Variants in SEPTIN10 observed in about 807,000 individuals in gnomAD.
The protein encoded by SEPTIN10 is septin 10, also known as septin-10.
In SEPTIN10, 66 loss-of-function variants were observed where a neutral mutation model predicts 54.8. That is an observed-to-expected ratio of 1.21 (90% confidence interval 0.99 to 1.48). The LOEUF is 1.48. Among genes scored for constraint, SEPTIN10 ranks in the 40% most tolerant of loss-of-function variants. SEPTIN10 has a pLI of 0.00. For synonymous variants in SEPTIN10, 161 were observed against 181.0 expected, an observed-to-expected ratio of 0.89 and a Z score of 0.89; for missense variants, 620 against 545.6, an observed-to-expected ratio of 1.14 and a Z score of -1.36.
In SEPTIN10 at chr2:109,574,594, T is replaced by G. The variant is rs1689192980; in HGVS notation, c.587A>C (p.Asn196Thr). The G allele has an allele frequency of 6.4e-7, 1 of 1,556,692 alleles. No homozygotes were observed. The highest frequency in any genetic ancestry group is 1.4e-5 in the African/African-American group (1 of 72,892). Reference protein sequence around the residue: ...LKTLDLLTMKNLDSKVNIIPV... With the variant: ...LKTLDLLTMKTLDSKVNIIPV... ...TCCTCAACCCACCTTGCTGTCAAGG[T>G]TCTTCATGGTTAAGAGATCAAGTGT... Residue 196 changes from asparagine (N) to threonine (T), a missense_variant, in exon 5 of 11, where the codon AAC becomes ACC. Physicochemically the swap from Asn to Thr is moderately conservative, Grantham distance 65. Coordinates refer to ENST00000397712, the MANE Select transcript of SEPTIN10 (RefSeq NM_144710.5).
intron 1 of SEPTIN10, among the ~76,000 whole-genome samples, chr2:109,612,429 T>C (rs184561691): frequency 1.2e-4 from 19 of 152,338 alleles, no homozygotes; most frequent in African/African-American, 4.3e-4. Flanking sequence ...TATCGTACTA[T>C]GGGTTTGCCA....
intron 4 of SEPTIN10, among the ~76,000 whole-genome samples, chr2:109,578,542 GA>G (rs35369428): frequency 0.89 from 135,280 of 152,166 alleles, 60,206 homozygotes; most frequent in Middle Eastern, 0.97. Context: ...GAGGAGGGTG[GA>G]ATCACCTGAG....
intron 1 of SEPTIN10, among the ~76,000 whole-genome samples, chr2:109,600,247 G>A (rs371622514): frequency 7.2e-5 from 11 of 152,020 alleles, no homozygotes; most frequent in African/African-American, 2.7e-4. Flanking sequence ...AGGGCCTGAA[G>A]GCTTTCTCCC....
intron 7 of SEPTIN10, among the ~76,000 whole-genome samples, chr2:109,565,003 C>T (rs924006321): frequency 2.6e-5 from 4 of 152,116 alleles, no homozygotes; most frequent in African/African-American, 4.8e-5. Flanking sequence ...TTATAGAACA[C>T]ATTTATGATC....
intron 1 of SEPTIN10, among the ~76,000 whole-genome samples, chr2:109,606,105 T>C (rs796071595): frequency 2.0e-5 from 3 of 152,302 alleles, no homozygotes; most frequent in African/African-American, 4.8e-5. Flanking sequence ...ACTCAGCTCA[T>C]GGGCTGGGAG....
chr2:109,565,831 C>A lies in SEPTIN10; in HGVS notation c.791G>T (p.Ser264Ile). The change falls in exon 7 of 11, where the codon AGT (serine) becomes ATT (isoleucine). Residue 264 changes from serine to isoleucine, a missense_variant. Physicochemically the swap from Ser to Ile is moderately radical, Grantham distance 142. Transcript: ENST00000397712. ...NGQLPFAVVGSMDEVKVGNKM... is the reference protein window; with the variant it reads ...NGQLPFAVVGIMDEVKVGNKM... ...GTTTCCGACTTTTACCTCATCCATACTTCCCACAACAGCAAACGGCAACTG... is the reference window on the plus strand; with the variant it reads ...GTTTCCGACTTTTACCTCATCCATAATTCCCACAACAGCAAACGGCAACTG... The A allele has an allele frequency of 6.2e-7, 1 of 1,613,932 alleles. No homozygotes were observed. Among genetic ancestry groups the A allele is most frequent in the South Asian group, 1.1e-5 (1 of 91,084 alleles).
intron 7 of SEPTIN10, among the ~76,000 whole-genome samples, chr2:109,565,046 C>T (rs914354710): frequency 6.6e-6 from 1 of 152,156 alleles, no homozygotes; most frequent in African/African-American, 2.4e-5. Context: ...TTAGTGAACA[C>T]ACTTACATGA....
intron 5 of SEPTIN10, among the ~76,000 whole-genome samples, chr2:109,568,251 G>A (rs1687547032): frequency 6.6e-6 from 1 of 151,928 alleles, no homozygotes; most frequent in South Asian, 2.1e-4. Flanking sequence ...GGCCTGTGAC[G>A]CCCAGTGTAT....
chr2:109,564,695 GAAGA>G (rs1686547580), intron 7 of SEPTIN10, among the ~76,000 whole-genome samples, 161 bp from the exon 8 acceptor site: 1 of 152,166 alleles, frequency 6.6e-6, no homozygotes. Context: ...TGTAACCAAG[GAAGA>G]AACTCTTGCA....
At chr2:109,603,728 T>C (rs1329169636) in intron 1 of SEPTIN10, among the ~76,000 whole-genome samples, 2 of 152,094 alleles carry the variant, frequency 1.3e-5, no homozygotes, top group Non-Finnish European at 2.9e-5. Context: ...GAGAAAGCAC[T>C]GGCAAGAAAA....
intron 1 of SEPTIN10, among the ~76,000 whole-genome samples, chr2:109,611,931 C>A (rs58602175): frequency 6.6e-6 from 1 of 152,098 alleles, no homozygotes; most frequent in Non-Finnish European, 1.5e-5. Flanking sequence ...CAGTTTCTTA[C>A]AAAACTAAGC....
intron 10 of SEPTIN10, 68 bp from the exon 11 acceptor site, chr2:109,544,392 G>C: frequency 1.3e-6 from 2 of 1,536,824 alleles, no homozygotes; most frequent in Admixed American, 4.4e-5. Flanking sequence ...TAGCAAACAT[G>C]CATCTAGTAT....
At chr2:109,588,675 G>C (rs143485760) in intron 2 of SEPTIN10, among the ~76,000 whole-genome samples, 315 of 149,916 alleles carry the variant, frequency 2.1e-3, no homozygotes, top group African/African-American at 6.8e-3. Flanking sequence ...ATTTTTAATA[G>C]AGATGGGGTT....
intron 1 of SEPTIN10, among the ~76,000 whole-genome samples, chr2:109,602,494 G>A (rs1027967339): frequency 6.6e-6 from 1 of 151,970 alleles, no homozygotes; most frequent in Non-Finnish European, 1.5e-5. Context: ...TGACCAAAAT[G>A]GTGAAACCCC....
chr2:109,613,915 C>T lies in SEPTIN10; in HGVS notation c.-88G>A. The T allele has an allele frequency of 1.6e-6, 2 of 1,224,474 alleles. No individual in the cohort carries two copies. The highest frequency in any genetic ancestry group is 8.1e-5 in the South Asian group (2 of 24,696). 75.9% of individuals were successfully genotyped at this position (1,224,474 alleles called of 1,614,324 possible). A position where few individuals can be genotyped will look rare whatever the true frequency, so the allele number is the denominator to read the frequency against. On this transcript the variant is annotated 5_prime_UTR_variant, in exon 1 of 11. Transcript: ENST00000397712. ...CGACGGCGGCGGGAAGGCCGGAGGGCAGAAGCAACGGGCGGGGCGCGAGGC... is the reference window on the plus strand; with the variant it reads ...CGACGGCGGCGGGAAGGCCGGAGGGTAGAAGCAACGGGCGGGGCGCGAGGC...
At position 109,598,677 on chromosome 2, in the gene SEPTIN10, TACTA is replaced by T. The variant is rs1201814600; in HGVS notation, c.31-5562_31-5559del. ...GGCCAACATGGTGAAACCCCATCTC[TACTA>T]AAAATACAAAAATTAGCCAGGCATG... On this transcript the variant is annotated intron_variant, in intron 1 of 10. Coordinates refer to ENST00000397712, the MANE Select transcript of SEPTIN10 (RefSeq NM_144710.5). Among the ~76,000 whole-genome samples, 6 of 151,952 alleles carry T rather than the reference TACTA, an allele frequency of 3.9e-5. No homozygotes were observed. In the East Asian group the frequency reaches 1.2e-3, roughly 30 times the overall value.
intron 10 of SEPTIN10, chr2:109,545,419 T>C: frequency 6.5e-7 from 1 of 1,536,012 alleles, no homozygotes; most frequent in Non-Finnish European, 8.7e-7. Flanking sequence ...ATCATCCACA[T>C]GCTACTCATG....
At chr2:109,556,119 T>C (rs1166368674) in intron 8 of SEPTIN10, among the ~76,000 whole-genome samples, 1 of 152,194 alleles carries the variant, frequency 6.6e-6, no homozygotes, top group African/African-American at 2.4e-5. Flanking sequence ...AGGAGGAAGA[T>C]TTAACCAGCA....
chr2:109,577,598 T>TAA (rs566368167), intron 4 of SEPTIN10, among the ~76,000 whole-genome samples: 15 of 133,304 alleles, frequency 1.1e-4, no homozygotes, highest in Non-Finnish European at 2.2e-4. Flanking sequence ...CCTCAAAATT[T>TAA]AAAAAAAAAA....
Sources: allele counts gnomAD v4.1 joint callset (sites outside exome capture counted in the v4.1 genomes callset), GRCh38; gene constraint gnomAD v4.1.1; transcripts MANE v1.5; gene names NCBI Gene and HGNC (gene_info 2026-07-23, HGNC 2026-07-21).